The following BAHCC1 variants were observed in gnomAD, a reference collection of about 807,000 sequenced individuals.
BAHCC1 encodes the protein BAH domain and coiled-coil containing 1.
A neutral mutation model predicts 88.2 loss-of-function variants in BAHCC1; 43 were observed. That is an observed-to-expected ratio of 0.49 (90% confidence interval 0.38 to 0.63). The LOEUF (loss-of-function observed/expected upper bound fraction) is 0.63. BAHCC1 is among the 20% of genes least tolerant of loss of function. The probability of loss-of-function intolerance (pLI) is 0.00; values close to 1 mark genes in which losing one functional copy is unlikely to be tolerated. For missense variants in BAHCC1, 3,023 were observed against 1,654.8 expected (o/e 1.83, Z -14.34); for synonymous variants, 1,510 against 745.5 (o/e 2.03, Z -16.71).
At chr17:81,424,829 G>A (rs1453951648) in intron 2 of BAHCC1, among the ~76,000 whole-genome samples, 1 of 151,492 alleles carries the variant, frequency 6.6e-6, no homozygotes, top group Non-Finnish European at 1.5e-5. Context: ...GGTTGGTGAT[G>A]ATGATGTGGT....
At chr17:81,463,079 C>G (rs545304352) in intron 27 of BAHCC1, 103 bp downstream of exon 27, 4 of 656,102 alleles carry the variant, frequency 6.1e-6, no homozygotes, top group African/African-American at 5.4e-5. Context: ...CTGGCCCCAC[C>G]ACACAGCCCC....
intron 7 of BAHCC1, 33 bp from the exon 8 acceptor site, chr17:81,444,635 C>A: frequency 1.3e-6 from 1 of 764,446 alleles, no homozygotes; most frequent in South Asian, 1.4e-5. Flanking sequence ...CCCGAGAGTG[C>A]GAGGCCTGAC....
At chr17:81,413,031 C>T (rs2063974512) in intron 2 of BAHCC1, 2 of 340,606 alleles carry the variant, frequency 5.9e-6, no homozygotes, top group East Asian at 1.3e-4. Context: ...TCCACATCCT[C>T]TTTCTAGAAA....
rs1555652838 is a variant in BAHCC1 at position 81,442,473 on chromosome 17, G to A, written c.1124G>A (p.Gly375Glu). 8 of 720,824 alleles carry A rather than the reference G, an allele frequency of 1.1e-5. No individual in the cohort carries two copies. The highest frequency in any genetic ancestry group is 2.1e-5 in the Non-Finnish European group (8 of 388,894). The allele number at this position is 720,824 out of a possible 1,614,324, so 44.7% of individuals were successfully genotyped here. The change falls in exon 5 of 28, where the codon GGG becomes GAG. Residue 375 changes from glycine to glutamate, a missense_variant. Coordinates refer to ENST00000675386, the MANE Select transcript of BAHCC1 (RefSeq NM_001377448.1). ...CTGCAGCTGCACGGGGGCCCTGACGGGCTCTGCCCGCTGCAGGACAAAGCC... is the reference window on the plus strand; with the variant it reads ...CTGCAGCTGCACGGGGGCCCTGACGAGCTCTGCCCGCTGCAGGACAAAGCC... ...PCLQLHGGPD[G>E]LCPLQDKAPR...
Position 81,461,306 on chromosome 17 carries a change from G to A in BAHCC1, c.6643G>A (p.Val2215Met), listed in dbSNP as rs2030242508. ...CCTGGTCAAGCTGGACCACGAGGGT[G>A]TGACCTCCCCCAAGAACAAGACCTG... ...EFLVKLDHEG[V>M]TSPKNKTCKA... The change falls in exon 26 of 28, where the codon GTG (valine) becomes ATG (methionine). Residue 2215 changes from valine to methionine, a missense_variant. Physicochemically the swap from Val to Met is conservative, Grantham distance 21 (BLOSUM62 1). Transcript: ENST00000675386. 2.8e-6 allele frequency: 2 copies of A among 718,362 alleles called. No individual in the cohort carries two copies. Among genetic ancestry groups the A allele is most frequent in the Admixed American group, 2.0e-5 (1 of 51,170 alleles). 44.5% of individuals were successfully genotyped at this position (718,362 alleles called of 1,614,324 possible).
At chr17:81,416,563 GTA>G (rs1555648774) in intron 2 of BAHCC1, among the ~76,000 whole-genome samples, 38 of 90,300 alleles carry the variant, frequency 4.2e-4, no homozygotes, top group Admixed American at 4.1e-4. Flanking sequence ...GAGGATGGGT[GTA>G]TGTGCGTGTG....
At chr17:81,406,096 CCTT>C (rs1407183136) in intron 2 of BAHCC1, among the ~76,000 whole-genome samples, 5 of 152,216 alleles carry the variant, frequency 3.3e-5, no homozygotes, top group Non-Finnish European at 2.9e-5. Context: ...AAGCTGCCTG[CCTT>C]CTTAATGGGT....
chr17:81,451,507 T>C (rs1456580084), intron 11 of BAHCC1, among the ~76,000 whole-genome samples, 161 bp from the exon 12 acceptor site: 1 of 152,168 alleles, frequency 6.6e-6, no homozygotes, highest in African/African-American at 2.4e-5. Flanking sequence ...ACAGGGGTGC[T>C]GGGTGTCAGC....
chr17:81,443,975 C>T (rs1568020158), intron 6 of BAHCC1, 58 bp downstream of exon 6: 9 of 694,536 alleles, frequency 1.3e-5, no homozygotes, highest in South Asian at 1.2e-4. Flanking sequence ...TGGGGCTCCC[C>T]ACTCAGAGCC....
At chr17:81,438,035 C>T (rs2064359544) in intron 3 of BAHCC1, among the ~76,000 whole-genome samples, 1 of 152,220 alleles carries the variant, frequency 6.6e-6, no homozygotes, top group Middle Eastern at 3.2e-3. Flanking sequence ...GCCCCCTCCT[C>T]CCACAAAACC....
chr17:81,452,027 C>T lies in BAHCC1; in HGVS notation c.4236C>T (p.Arg1412=), dbSNP rs781883374. Reference sequence around the variant, plus strand: ...TGGACACGCAGGAGGTGGGGATGCGCGTGCGGCTGGCGGAGCTGCAGCGGC... The same window carrying T: ...TGGACACGCAGGAGGTGGGGATGCGTGTGCGGCTGGCGGAGCTGCAGCGGC... ...DRLDTQEVGM[R]VRLAELQRRY... The change falls in exon 13 of 28, where the codon CGC becomes CGT. Residue 1412 remains arginine, a synonymous_variant. Coordinates refer to ENST00000675386, the MANE Select transcript of BAHCC1 (RefSeq NM_001377448.1). 7.9e-6 allele frequency: 5 copies of T among 633,016 alleles called. No homozygotes were observed. In the Admixed American group the frequency reaches 8.1e-5, roughly 10 times the overall value. The allele number at this position is 633,016 out of a possible 1,614,324, so 39.2% of individuals were successfully genotyped here. A position where few individuals can be genotyped will look rare whatever the true frequency, so the allele number is the denominator to read the frequency against.
intron 9 of BAHCC1, 23 bp downstream of exon 9, chr17:81,445,201 C>A (rs926642950): frequency 2.7e-6 from 2 of 750,966 alleles, no homozygotes; most frequent in African/African-American, 1.7e-5. Flanking sequence ...GCCACGCTCA[C>A]CTGGGCCGGG....
Position 81,458,350 on chromosome 17 carries a change from G to A in BAHCC1, c.5227G>A (p.Asp1743Asn). 1.4e-6 allele frequency: 1 copy of A among 732,082 alleles called. No individual in the cohort carries two copies. The highest frequency in any genetic ancestry group is 2.5e-6 in the Non-Finnish European group (1 of 395,894). The allele number at this position is 732,082 out of a possible 1,614,324, so 45.3% of individuals were successfully genotyped here. A position where few individuals can be genotyped will look rare whatever the true frequency, so the allele number is the denominator to read the frequency against. Reference protein sequence around the residue: ...RAEPGATPSRDALFNPSRAFA... With the variant: ...RAEPGATPSRNALFNPSRAFA... ...AGAGCCGGGGGCCACCCCCAGCAGG[G>A]ACGCCCTCTTCAACCCCTCTCGGGC... The change falls in exon 18 of 28, where the codon GAC (aspartate) becomes AAC (asparagine). Residue 1743 changes from aspartate to asparagine, a missense_variant. Physicochemically the swap from Asp to Asn is conservative, Grantham distance 23. Coordinates refer to ENST00000675386, the MANE Select transcript of BAHCC1 (RefSeq NM_001377448.1).
Position 81,411,278 on chromosome 17 carries a change from A to G in BAHCC1, c.178+11361A>G. On this transcript the variant is annotated intron_variant, in intron 2 of 27. Transcript: ENST00000675386. This position sits in a 1 kb window ranked among gnomAD's most constrained non-coding sequence, Gnocchi z 6.2. ...AGCTCCCCTTCTCGGCAGCTCCCAA[A>G]CCCTGACCCCAGACAGGCAGCAGGA... The G allele has an allele frequency of 2.2e-6, 1 of 459,870 alleles. No homozygotes were observed. Among genetic ancestry groups the G allele is most frequent in the Non-Finnish European group, 4.4e-6 (1 of 229,820 alleles). The allele number at this position is 459,870 out of a possible 1,614,324, so 28.5% of individuals were successfully genotyped here.
rs782006187 is a variant in BAHCC1 at position 81,442,150 on chromosome 17, C to T, written c.801C>T (p.Pro267=). 8.4e-5 allele frequency: 55 copies of T among 657,442 alleles called. No individual in the cohort carries two copies. Among genetic ancestry groups the T allele is most frequent in the Admixed American group, 1.1e-4 (4 of 36,420 alleles). 40.7% of individuals were successfully genotyped at this position (657,442 alleles called of 1,614,324 possible). A position where few individuals can be genotyped will look rare whatever the true frequency, so the allele number is the denominator to read the frequency against. Reference sequence around the variant, plus strand: ...ACGGGCACTGCAGGGAGGGCGGCCCCGCACCCCGAGGGGCCTGCGAGGGCC... The same window carrying T: ...ACGGGCACTGCAGGGAGGGCGGCCCTGCACCCCGAGGGGCCTGCGAGGGCC... ...PADGHCREGG[P]APRGACEGRP... is the part of the protein sequence containing the mutation. The change falls in exon 5 of 28, where the codon CCC becomes CCT. Residue 267 remains proline (P), a synonymous_variant. Coordinates refer to ENST00000675386, the MANE Select transcript of BAHCC1 (RefSeq NM_001377448.1).
At chr17:81,446,952 C>CGAG in intron 10 of BAHCC1, 84 bp from the exon 11 acceptor site, 3 of 745,972 alleles carry the variant, frequency 4.0e-6, no homozygotes, top group Non-Finnish European at 4.9e-6. Context: ...TCTGAGGGTT[C>CGAG]GAGGCCACTG....
chr17:81,409,617 C>G (rs2063923811), intron 2 of BAHCC1, among the ~76,000 whole-genome samples: 1 of 152,198 alleles, frequency 6.6e-6, no homozygotes, highest in Non-Finnish European at 1.5e-5. Context: ...GGTCATAGAG[C>G]ACTAGTGGGT....
rs562361698 is a variant in BAHCC1 at position 81,455,895 on chromosome 17, C to T, written c.4570-402C>T. 2.0e-3 allele frequency among the ~76,000 whole-genome samples: 306 copies of T among 152,298 alleles called. 2 individuals are homozygous for T. The highest frequency in any genetic ancestry group is 0.016 in the South Asian group (75 of 4,830). On this transcript the variant is annotated intron_variant, in intron 15 of 27. Coordinates refer to ENST00000675386, the MANE Select transcript of BAHCC1 (RefSeq NM_001377448.1). ...AGCTGCCTCCTGCCCCTCCTCTCTC[C>T]GTGGCCTCGGCGGGGCTGGTGAGAC...
chr17:81,450,936 C>T (rs1486392366), intron 11 of BAHCC1, among the ~76,000 whole-genome samples: 2 of 152,128 alleles, frequency 1.3e-5, no homozygotes, highest in African/African-American at 4.8e-5. Flanking sequence ...GGGACTTGTC[C>T]CCTCCCTCTG....
Sources: gnomAD v4.1 joint callset for allele counts (sites outside exome capture counted in the v4.1 genomes callset) on GRCh38, gnomAD v4.1.1 for gene constraint, Gnocchi (gnomAD v3.1) non-coding constraint, MANE v1.5 for transcripts, NCBI Gene and HGNC (gene_info 2026-07-23, HGNC 2026-07-21) for gene names.